TMEM178B: variants seen among roughly 807,000 people sequenced by gnomAD.
TMEM178B encodes the protein transmembrane protein 178B.
Under a neutral mutation model 31.0 loss-of-function variants are expected in TMEM178B, and 5 were observed. The observed-to-expected ratio is 0.16, with a 90% CI of 0.08 to 0.34. TMEM178B has a LOEUF of 0.34. Ranked by LOEUF, TMEM178B falls within the 10% of genes least tolerant of loss-of-function variation. The pLI is 1.00. For synonymous variants in TMEM178B, 164 were observed against 164.0 expected, an observed-to-expected ratio of 1.00 and a Z score of 0.00; for missense variants, 275 against 400.3, an observed-to-expected ratio of 0.69 and a Z score of 2.67.
At chr7:141,493,526 A>G in the TMEM178B span, among the ~76,000 whole-genome samples, 3 of 152,166 alleles carry the variant, frequency 2.0e-5, no homozygotes, top group Non-Finnish European at 2.9e-5. Context: ...GCTGGAGCCC[A>G]CCTGCGGCTG....
intron 2 of TMEM178B, among the ~76,000 whole-genome samples, chr7:141,417,412 T>A (rs1049570989): frequency 6.6e-6 from 1 of 152,220 alleles, no homozygotes; most frequent in Non-Finnish European, 1.5e-5. Context: ...AGGGCTGGTG[T>A]CTTACCCATC....
rs190013991 is a variant in TMEM178B at position 141,374,780 on chromosome 7, G to C, written c.497-62828G>C. On this transcript the variant is annotated intron_variant, in intron 2 of 3. Transcript: ENST00000565468. ...TCTGTGCGACTATAGATTCATCTTT[G>C]GTATTTGAACTAAATTTGTGAAAAT... Among the ~76,000 whole-genome samples the C allele has an allele frequency of 1.8e-4, 28 of 152,256 alleles. No individual in the cohort carries two copies. In the East Asian group the frequency reaches 3.7e-3, roughly 20 times the overall value.
chr7:141,152,417 G>T (rs1795991657), intron 1 of TMEM178B, among the ~76,000 whole-genome samples: 1 of 152,080 alleles, frequency 6.6e-6, no homozygotes, highest in Non-Finnish European at 1.5e-5. Flanking sequence ...ACAAAATTGG[G>T]GTCACCTCAA....
chr7:141,401,813 G>C (rs1350349700), intron 2 of TMEM178B, among the ~76,000 whole-genome samples: 2 of 152,148 alleles, frequency 1.3e-5, no homozygotes, highest in Admixed American at 1.3e-4. Context: ...TTTTTTAAAA[G>C]TTAACATCCC....
At chr7:141,256,663 G>A (rs1797934266) in intron 2 of TMEM178B, among the ~76,000 whole-genome samples, 1 of 152,156 alleles carries the variant, frequency 6.6e-6, no homozygotes, top group Non-Finnish European at 1.5e-5. Context: ...GTCTGCTCTG[G>A]CCTCTAGGTG....
At chr7:141,397,369 C>T (rs1377927306) in intron 2 of TMEM178B, among the ~76,000 whole-genome samples, 1 of 152,152 alleles carries the variant, frequency 6.6e-6, no homozygotes, top group African/African-American at 2.4e-5. Flanking sequence ...CCTCTGTTGG[C>T]AAATCAGGTC....
chr7:141,260,608 C>A (rs1342665971), intron 2 of TMEM178B, among the ~76,000 whole-genome samples: 1 of 152,180 alleles, frequency 6.6e-6, no homozygotes, highest in Non-Finnish European at 1.5e-5. Flanking sequence ...CTTATTTATG[C>A]AGCACAGGGC....
intron 2 of TMEM178B, among the ~76,000 whole-genome samples, chr7:141,294,578 T>C (rs1798599583): frequency 6.6e-6 from 1 of 152,188 alleles, no homozygotes; most frequent in South Asian, 2.1e-4. Context: ...AAACTCCCAA[T>C]TAAAGACTTT....
At chr7:141,424,725 G>T (rs909492768) in intron 2 of TMEM178B, among the ~76,000 whole-genome samples, 1 of 152,150 alleles carries the variant, frequency 6.6e-6, no homozygotes, top group Non-Finnish European at 1.5e-5. Context: ...TCCCACGTGG[G>T]TAGACATGCA....
At chr7:141,384,899 T>C (rs143015617) in intron 2 of TMEM178B, among the ~76,000 whole-genome samples, 2 of 152,268 alleles carry the variant, frequency 1.3e-5, no homozygotes, top group Non-Finnish European at 2.9e-5. Context: ...ATCTAGTATT[T>C]TGATATTCTA....
intron 1 of TMEM178B, among the ~76,000 whole-genome samples, chr7:141,148,874 G>A (rs1360527186): frequency 6.6e-6 from 1 of 152,238 alleles, no homozygotes; most frequent in East Asian, 1.9e-4. Flanking sequence ...GACAAGAAGA[G>A]TGGGTCATTT....
chr7:141,140,259 A>G (rs557746784), intron 1 of TMEM178B, among the ~76,000 whole-genome samples: 1 of 152,296 alleles, frequency 6.6e-6, no homozygotes, highest in African/African-American at 2.4e-5. Flanking sequence ...GTTTCCGAAG[A>G]TCTGAACTTT....
chr7:141,403,233 G>A (rs1055819393), intron 2 of TMEM178B, among the ~76,000 whole-genome samples: 6 of 152,220 alleles, frequency 3.9e-5, no homozygotes, highest in African/African-American at 1.4e-4. Flanking sequence ...TGATGGTGGA[G>A]TGAGTGAGGG....
intron 1 of TMEM178B, among the ~76,000 whole-genome samples, chr7:141,208,234 G>A (rs1008763570): frequency 2.0e-5 from 3 of 152,066 alleles, no homozygotes; most frequent in Admixed American, 6.5e-5. Flanking sequence ...TCTCCCACAG[G>A]GGCCACAGGA....
chr7:141,457,386 G>T (rs1010061059), intron 3 of TMEM178B, among the ~76,000 whole-genome samples: 1 of 152,018 alleles, frequency 6.6e-6, no homozygotes, highest in African/African-American at 2.4e-5. Context: ...ATTTCCATAG[G>T]CATATATATG....
intron 2 of TMEM178B, among the ~76,000 whole-genome samples, chr7:141,365,688 C>G (rs970819529): frequency 6.6e-6 from 1 of 152,182 alleles, no homozygotes; most frequent in Non-Finnish European, 1.5e-5. Flanking sequence ...ACTGTGTGCC[C>G]GTGTCTTCAC....
intron 1 of TMEM178B, among the ~76,000 whole-genome samples, chr7:141,184,890 C>G (rs1356483800): frequency 6.6e-6 from 1 of 152,202 alleles, no homozygotes; most frequent in African/African-American, 2.4e-5. Context: ...ACACAGGTAA[C>G]CCTGGGACTA....
In TMEM178B at chr7:141,183,339, A is replaced by C. The variant is rs115346546; in HGVS notation, c.383-29252A>C. Among the ~76,000 whole-genome samples the C allele has an allele frequency of 4.3e-3, 660 of 152,266 alleles. 7 individuals are homozygous for C. Among genetic ancestry groups the C allele is most frequent in the African/African-American group, 0.015 (622 of 41,552 alleles). ...TTCTGGGTCCTCTGATTTGCCCTTA[A>C]TTGTTGAAAATGCACAGGAAATTAA... is the stretch of plus-strand genomic sequence containing the variant. On this transcript the variant is annotated intron_variant, in intron 1 of 3. Transcript: ENST00000565468.
chr7:141,438,797 A>G (rs967185039), intron 3 of TMEM178B, among the ~76,000 whole-genome samples: 4 of 149,106 alleles, frequency 2.7e-5, no homozygotes, highest in African/African-American at 9.9e-5. Flanking sequence ...AATTGCTTGA[A>G]CCTGGCAGGC....
Sources: allele counts gnomAD v4.1 joint callset (sites outside exome capture counted in the v4.1 genomes callset), GRCh38; gene constraint gnomAD v4.1.1; transcripts MANE v1.5; gene names NCBI Gene and HGNC (gene_info 2026-07-23, HGNC 2026-07-21).